Variants in TMC6 observed in about 807,000 individuals in gnomAD.
The protein encoded by TMC6 is transmembrane channel like 6, also known as transmembrane channel-like protein 6.
TMC6 carries 71 observed loss-of-function variants against 95.4 expected under a neutral mutation model. That is an observed-to-expected ratio of 0.74 (90% CI 0.61 to 0.91). TMC6 has a LOEUF of 0.91. Ranked by LOEUF, TMC6 falls within the 40% of genes least tolerant of loss-of-function variation. The pLI is 0.00. For missense variants in TMC6, 1,074 were observed against 1,079.1 expected (o/e 1.00, Z 0.07); for synonymous variants, 514 against 483.1 (o/e 1.06, Z -0.84).
At chr17:78,120,949 C>G (rs780536424) in intron 12 of TMC6, 64 bp downstream of exon 12, 11 of 1,612,442 alleles carry the variant, frequency 6.8e-6, no homozygotes, top group Non-Finnish European at 9.3e-6. Context: ...TTTGGATACA[C>G]CCGGAGCTAA....
Position 78,126,341 on chromosome 17 carries a change from C to T in TMC6, c.207G>A (p.Arg69=), listed in dbSNP as rs1040515705. ...TGGCCGTGCTCTGGGTGCCCTCGGG[C>T]CGCCAGAGTGTCTGCTGGCTACTTC... ...VTGSSQQTLW[R]PEGTQSTATL... is the part of the protein sequence containing the mutation. The change falls in exon 4 of 20, where the codon CGG becomes CGA. Residue 69 remains arginine, a synonymous_variant. Transcript: ENST00000590602. The T allele has an allele frequency of 2.5e-6, 4 of 1,582,144 alleles. No individual in the cohort carries two copies. In the African/African-American group the frequency reaches 4.0e-5, roughly 16 times the overall value.
intron 8 of TMC6, 27 bp downstream of exon 8, chr17:78,124,497 C>T (rs772367355): frequency 1.2e-5 from 20 of 1,604,446 alleles, no homozygotes; most frequent in Admixed American, 3.3e-5. Context: ...AGGCACCCCC[C>T]GTCCCCCAGT....
intron 18 of TMC6, chr17:78,113,983 C>G (rs750399471): frequency 3.5e-5 from 13 of 366,894 alleles, no homozygotes; most frequent in Middle Eastern, 9.4e-4. Flanking sequence ...GATAATAACA[C>G]AAGGCACAGG....
intron 19 of TMC6, 101 bp from the exon 20 acceptor site, chr17:78,113,312 C>CCA: frequency 1.5e-6 from 2 of 1,366,576 alleles, no homozygotes; most frequent in South Asian, 1.4e-5. Flanking sequence ...GCCAGACGCC[C>CCA]CACAGCCTTT....
intron 18 of TMC6, among the ~76,000 whole-genome samples, chr17:78,117,024 C>T (rs2074153423): frequency 6.6e-6 from 1 of 152,240 alleles, no homozygotes; most frequent in African/African-American, 2.4e-5. Flanking sequence ...AATCACACCC[C>T]ACCCCCCAGA....
At chr17:78,118,051 A>C in intron 15 of TMC6, 116 bp from the exon 16 acceptor site, 1 of 1,506,818 alleles carries the variant, frequency 6.6e-7, no homozygotes. Flanking sequence ...CAGAGCCTGG[A>C]CCCTGCTCCC....
At chr17:78,125,395 C>G (rs2145378039) in intron 5 of TMC6, 132 bp from the exon 6 acceptor site, 1 of 856,918 alleles carries the variant, frequency 1.2e-6, no homozygotes, top group Non-Finnish European at 1.9e-6. Flanking sequence ...ATTTGAGCTT[C>G]AGTCGCCAAT....
chr17:78,113,748 CATAAA>C (rs2073913859), intron 18 of TMC6, 124 bp from the exon 19 acceptor site: 3 of 1,023,710 alleles, frequency 2.9e-6, no homozygotes, highest in South Asian at 2.6e-5. Context: ...GCAGCAAAAA[CATAAA>C]AGAAAAGGTG....
chr17:78,126,026 G>A (rs1312895967), intron 4 of TMC6, 142 bp from the exon 5 acceptor site: 4 of 1,277,076 alleles, frequency 3.1e-6, no homozygotes, highest in African/African-American at 3.0e-5. Flanking sequence ...AGGCACCACT[G>A]CATTCCGAAA....
In TMC6 at chr17:78,124,629, C is replaced by T. The variant is rs752678320; in HGVS notation, c.786G>A (p.Leu262=). The T allele has an allele frequency of 1.2e-6, 2 of 1,612,124 alleles. No individual in the cohort carries two copies. Among genetic ancestry groups the T allele is most frequent in the Non-Finnish European group, 8.5e-7 (1 of 1,179,632 alleles). Residue 262 remains leucine, a synonymous_variant, in exon 8 of 20, where the codon CTG becomes CTA. Coordinates refer to ENST00000590602, the MANE Select transcript of TMC6 (RefSeq NM_001127198.5). The stretch of plus-strand genomic sequence containing the variant: ...TGATGAAGGCCACCAGCAGCAGCAG[C>T]AGGAGGGCATTGAAAGCCAGCAGGG... ...LKTLLAFNAL[L]LLLLVAFIMG...
At chr17:78,129,186 T>C (rs1337944367), upstream of TMC6, among the ~76,000 whole-genome samples, 1 of 151,390 alleles carries the variant, frequency 6.6e-6, no homozygotes, top group East Asian at 2.0e-4. The surrounding 1 kb of genome is among the most constrained non-coding windows in gnomAD (Gnocchi z 4.3). Flanking sequence ...AGCCTGGTTA[T>C]CTCCCACTCC....
chr17:78,122,651 T>C lies in TMC6; in HGVS notation c.1181A>G (p.Lys394Arg). The C allele has an allele frequency of 4.3e-6, 7 of 1,612,182 alleles. No homozygotes were observed. The highest frequency in any genetic ancestry group is 5.9e-6 in the Non-Finnish European group (7 of 1,179,802). The change falls in exon 10 of 20, where the codon AAG (lysine) becomes AGG (arginine). Residue 394 changes from lysine to arginine, a missense_variant. By Grantham distance (26) the Lys-to-Arg change is conservative. Coordinates refer to ENST00000590602, the MANE Select transcript of TMC6 (RefSeq NM_001127198.5). This position sits in a 1 kb window ranked among gnomAD's most constrained non-coding sequence, Gnocchi z 4.9. Reference sequence around the variant, plus strand: ...GTCCTGCTGGAGGCGGGAGGCCCGCTTCTGCGTCACCTTGTAGTCCCAGGA... The same window carrying C: ...GTCCTGCTGGAGGCGGGAGGCCCGCCTCTGCGTCACCTTGTAGTCCCAGGA... ...FCSWDYKVTQ[K>R]RASRLQQDNI...
intron 13 of TMC6, chr17:78,120,371 G>A (rs559357856): frequency 3.9e-6 from 2 of 518,282 alleles, no homozygotes; most frequent in Admixed American, 4.6e-5. Flanking sequence ...TGCTGGCCAG[G>A]CTGGTCTCAA....
chr17:78,115,861 G>T, intron 18 of TMC6, among the ~76,000 whole-genome samples: 1 of 94,400 alleles, frequency 1.1e-5, no homozygotes. Context: ...CGAAGGGAGT[G>T]GGCACAGGGG....
At position 78,112,204 on chromosome 17, in the gene TMC6, C is replaced by T. The variant is rs139212249; in HGVS notation, c.*944G>A. The T allele has an allele frequency of 5.3e-4, 134 of 254,974 alleles. 1 individual carries two copies. Among genetic ancestry groups the T allele is most frequent in the African/African-American group, 3.1e-3 (129 of 42,016 alleles). 15.8% of individuals were successfully genotyped at this position (254,974 alleles called of 1,614,324 possible). ...GCACTGGGGTCATGACGGGCTGGTC[C>T]CCGCAGGCCTGGAGAACTGAGGCTG... On this transcript the variant is annotated 3_prime_UTR_variant, in exon 20 of 20. Coordinates refer to ENST00000590602, the MANE Select transcript of TMC6 (RefSeq NM_001127198.5).
Position 78,126,375 on chromosome 17 carries a change from C to G in TMC6, c.182-9G>C. On this transcript the variant is annotated splice_polypyrimidine_tract_variant and intron_variant, in intron 3 of 19. Transcript: ENST00000590602. ...TGTCTGCTGGCTACTTCCTACAAAGCAAGAAAGACTCACCAGGGGTCCTGG... is the reference window on the plus strand; with the variant it reads ...TGTCTGCTGGCTACTTCCTACAAAGGAAGAAAGACTCACCAGGGGTCCTGG... 6.3e-7 allele frequency: 1 copy of G among 1,595,320 alleles called. No individual in the cohort carries two copies. Among genetic ancestry groups the G allele is most frequent in the South Asian group, 1.1e-5 (1 of 90,002 alleles).
intron 1 of TMC6, among the ~76,000 whole-genome samples, chr17:78,127,272 GGAGA>G (rs1402746978): frequency 1.3e-5 from 2 of 152,120 alleles, no homozygotes; most frequent in African/African-American, 2.4e-5. Context: ...CCTCCTTTTT[GGAGA>G]GAAAGGTCAG....
upstream of TMC6, chr17:78,132,131 G>C (rs1377220256): frequency 2.8e-5 from 42 of 1,515,440 alleles, 1 homozygote; most frequent in East Asian, 1.0e-3. Context: ...CTTCACCCGG[G>C]TCCCCCGACC....
intron 1 of TMC6, 189 bp from the exon 2 acceptor site, chr17:78,127,095 C>A: frequency 3.4e-6 from 2 of 591,470 alleles, no homozygotes; most frequent in Non-Finnish European, 6.1e-6. Flanking sequence ...AATGGGGGGC[C>A]CCCTCCAGTG....
Sources: allele counts gnomAD v4.1 joint callset (sites outside exome capture counted in the v4.1 genomes callset), GRCh38; gene constraint gnomAD v4.1.1; non-coding constraint Gnocchi (gnomAD v3.1); transcripts MANE v1.5; gene names NCBI Gene and HGNC (gene_info 2026-07-23, HGNC 2026-07-21).